The following TNFRSF1B variants were observed in gnomAD, a reference collection of about 807,000 sequenced individuals.
TNFRSF1B encodes TNF receptor superfamily member 1B.
A neutral mutation model predicts 44.6 loss-of-function variants in TNFRSF1B; 19 were observed. The observed-to-expected ratio is 0.43, with a 90% CI of 0.30 to 0.62. The LOEUF (loss-of-function observed/expected upper bound fraction) is 0.62, where lower values mean the gene tolerates loss of function less well. Ranked by LOEUF, TNFRSF1B falls within the 20% of genes least tolerant of loss-of-function variation. The pLI is 0.16. For missense variants in TNFRSF1B, 541 were observed against 619.9 expected, an observed-to-expected ratio of 0.87 and a Z score of 1.35; for synonymous variants, 252 against 261.1, an observed-to-expected ratio of 0.97 and a Z score of 0.34.
In TNFRSF1B at chr1:12,186,244, C is replaced by T. The variant is rs1318503078; in HGVS notation, c.79-2552C>T. Among the ~76,000 whole-genome samples, 1 of 152,178 alleles carries T rather than the reference C, an allele frequency of 6.6e-6. No homozygotes were observed. Among genetic ancestry groups the T allele is most frequent in the Non-Finnish European group, 1.5e-5 (1 of 68,034 alleles). Reference sequence around the variant, plus strand: ...GTGGGAGACAGCTGGGTTTCTAGCCCTGCTTGTCACTCGCTATAGGTGCAG... The same window carrying T: ...GTGGGAGACAGCTGGGTTTCTAGCCTTGCTTGTCACTCGCTATAGGTGCAG... On this transcript the variant is annotated intron_variant, in intron 1 of 9. Coordinates refer to ENST00000376259, the MANE Select transcript of TNFRSF1B (RefSeq NM_001066.3). This position sits in a 1 kb window ranked among gnomAD's most constrained non-coding sequence, Gnocchi z 4.8.
At position 12,206,706 on chromosome 1, in the gene TNFRSF1B, C is replaced by T. The variant is rs148178396; in HGVS notation, c.1106-34C>T. ...TCCCTGGGCCCCACTCCTGGACCCCCGGACTGACCCCCACCCCATCTTGTG... is the reference window on the plus strand; with the variant it reads ...TCCCTGGGCCCCACTCCTGGACCCCTGGACTGACCCCCACCCCATCTTGTG... On this transcript the variant is annotated intron_variant, in intron 9 of 9. Transcript: ENST00000376259. 232 of 1,535,554 alleles carry T rather than the reference C, an allele frequency of 1.5e-4. 2 individuals carry two copies. The highest frequency in any genetic ancestry group is 2.1e-4 in the South Asian group (17 of 79,494).
At position 12,188,780 on chromosome 1, in the gene TNFRSF1B, C is replaced by G. The variant is rs1639042882; in HGVS notation, c.79-16C>G. The G allele has an allele frequency of 6.2e-7, 1 of 1,611,974 alleles. No individual in the cohort carries two copies. The highest frequency in any genetic ancestry group is 1.3e-5 in the African/African-American group (1 of 74,870). On this transcript the variant is annotated splice_polypyrimidine_tract_variant and intron_variant, in intron 1 of 9. Transcript: ENST00000376259. ...GGGCGGCCCTGTTGATGGCAGTCTT[C>G]CCTTCTTCCTTCCAGGTGGCATTTA...
At chr1:12,183,728 TCTATCTATCTATCTATCTATCTAG>T (rs1638892146) in intron 1 of TNFRSF1B, among the ~76,000 whole-genome samples, 1 of 124,124 alleles carries the variant, frequency 8.1e-6, no homozygotes, top group African/African-American at 2.9e-5. Context: ...TACCTATCTA[TCTATCTATCTATCTATCTATCTAG>T]CTAGCTAGCT....
intron 1 of TNFRSF1B, among the ~76,000 whole-genome samples, chr1:12,170,922 C>T (rs948523751): frequency 6.6e-6 from 1 of 151,908 alleles, no homozygotes; most frequent in Admixed American, 6.6e-5. Flanking sequence ...GTGATCCTCC[C>T]GCCTCAGCCT....
intron 7 of TNFRSF1B, 147 bp from the exon 8 acceptor site, chr1:12,194,437 G>A: frequency 1.3e-6 from 1 of 767,756 alleles, no homozygotes; most frequent in East Asian, 2.6e-5. Context: ...TTGGGTGGGG[G>A]CTTCTGTGGA....
At chr1:12,206,695 TC>T (rs1229617551) in intron 9 of TNFRSF1B, 44 bp from the exon 10 acceptor site, 8 of 1,517,988 alleles carry the variant, frequency 5.3e-6, no homozygotes, top group Non-Finnish European at 6.2e-6. Flanking sequence ...TGGGCCCCAC[TC>T]CTGGACCCCC....
At chr1:12,188,676 A>T (rs1254287043) in intron 1 of TNFRSF1B, 120 bp from the exon 2 acceptor site, 1 of 894,092 alleles carries the variant, frequency 1.1e-6, no homozygotes, top group African/African-American at 1.7e-5. Context: ...CTCCCCAGCC[A>T]TCATCAGTGC....
intron 1 of TNFRSF1B, among the ~76,000 whole-genome samples, chr1:12,179,374 G>C (rs1317560626): frequency 6.6e-6 from 1 of 152,180 alleles, no homozygotes; most frequent in Non-Finnish European, 1.5e-5. Flanking sequence ...CAGTCCATGG[G>C]GCTCCTGTGA....
chr1:12,172,370 G>A (rs1227914812), intron 1 of TNFRSF1B, among the ~76,000 whole-genome samples: 1 of 152,234 alleles, frequency 6.6e-6, no homozygotes, highest in Admixed American at 6.5e-5. Context: ...GAGCCTCTGT[G>A]TTCTTATCTG....
Position 12,191,023 on chromosome 1 carries a change from C to T in TNFRSF1B, c.245C>T (p.Thr82Ile), listed in dbSNP as rs1225076278. The T allele has an allele frequency of 6.2e-7, 1 of 1,614,100 alleles. No individual in the cohort carries two copies. The highest frequency in any genetic ancestry group is 1.7e-5 in the Admixed American group (1 of 60,006). ...GTGTGTGACTCCTGTGAGGACAGCA[C>T]ATACACCCAGCTCTGGAACTGGGTT... is the stretch of plus-strand genomic sequence containing the variant. The part of the protein sequence containing the change: ...DTVCDSCEDS[T>I]YTQLWNWVPE... The change falls in exon 3 of 10, where the codon ACA becomes ATA. Residue 82 changes from threonine to isoleucine, a missense_variant. By Grantham distance (89) the Thr-to-Ile change is moderately conservative. Transcript: ENST00000376259.
At chr1:12,202,332 C>T (rs1639412649) in intron 9 of TNFRSF1B, among the ~76,000 whole-genome samples, 161 bp downstream of exon 9, 1 of 152,272 alleles carries the variant, frequency 6.6e-6, no homozygotes, top group African/African-American at 2.4e-5. Context: ...TCCCTCCCGC[C>T]TTTGCCCATG....
At chr1:12,181,718 G>T (rs1638812591) in intron 1 of TNFRSF1B, among the ~76,000 whole-genome samples, 1 of 152,152 alleles carries the variant, frequency 6.6e-6, no homozygotes. Flanking sequence ...TGGGGGGAAG[G>T]GGATGGGGGC....
chr1:12,177,789 G>C lies in TNFRSF1B; in HGVS notation c.78+10620G>C, dbSNP rs968095722. Reference sequence around the variant, plus strand: ...AGCCTGGGTGACAGGGTGAGATTCTGTCTCCAAAAAAAAAAAAAAAAGAAG... The same window carrying C: ...AGCCTGGGTGACAGGGTGAGATTCTCTCTCCAAAAAAAAAAAAAAAAGAAG... On this transcript the variant is annotated intron_variant, in intron 1 of 9. Transcript: ENST00000376259. This position sits in a 1 kb window ranked among gnomAD's most constrained non-coding sequence, Gnocchi z 4.3. 2.7e-4 allele frequency among the ~76,000 whole-genome samples: 39 copies of C among 142,398 alleles called. No individual in the cohort carries two copies. Among genetic ancestry groups the C allele is most frequent in the African/African-American group, 1.0e-3 (39 of 37,906 alleles). 93.4% of individuals were successfully genotyped at this position (142,398 alleles called of 152,430 possible). A position where few individuals can be genotyped will look rare whatever the true frequency, so the allele number is the denominator to read the frequency against.
intron 8 of TNFRSF1B, among the ~76,000 whole-genome samples, chr1:12,195,067 C>A (rs923154356): frequency 6.6e-6 from 1 of 152,344 alleles, no homozygotes; most frequent in Middle Eastern, 3.4e-3. Flanking sequence ...TCTGGGATAG[C>A]CCAGTGTCCC....
At chr1:12,173,499 G>A (rs895840015) in intron 1 of TNFRSF1B, among the ~76,000 whole-genome samples, 1 of 152,208 alleles carries the variant, frequency 6.6e-6, no homozygotes, top group African/African-American at 2.4e-5. Context: ...ACTGGGGTTT[G>A]TGGATGTCCT....
rs1009096739 is a variant in TNFRSF1B at position 12,168,213 on chromosome 1, CT to C, written c.78+1045del. 3.9e-5 allele frequency among the ~76,000 whole-genome samples: 6 copies of C among 152,226 alleles called. No individual in the cohort carries two copies. The highest frequency in any genetic ancestry group is 1.2e-4 in the African/African-American group (5 of 41,456). On this transcript the variant is annotated intron_variant, in intron 1 of 9. Transcript: ENST00000376259. This position sits in a 1 kb window ranked among gnomAD's most constrained non-coding sequence, Gnocchi z 4.7. ...CGTTCATCCTTCCTCAGAGCCGCCC[CT>C]GATGGACACATGGCCCATCTGCCCC... is the stretch of plus-strand genomic sequence containing the variant.
rs1216143873 is a variant in TNFRSF1B, at chr1:12,178,581, C to T, written c.79-10215C>T. 2.0e-5 allele frequency among the ~76,000 whole-genome samples: 3 copies of T among 152,070 alleles called. No homozygotes were observed. The highest frequency in any genetic ancestry group is 4.4e-5 in the Non-Finnish European group (3 of 68,000). On this transcript the variant is annotated intron_variant, in intron 1 of 9. Coordinates refer to ENST00000376259, the MANE Select transcript of TNFRSF1B (RefSeq NM_001066.3). The surrounding 1 kb of genome is among the most constrained non-coding windows in gnomAD (Gnocchi z 4.3). ...GGTGTGGGCAGTATAGAGATGCACCCGGGTTGTCACAGGAGCCCCTAGGAG... is the reference window on the plus strand; with the variant it reads ...GGTGTGGGCAGTATAGAGATGCACCTGGGTTGTCACAGGAGCCCCTAGGAG...
rs1638607546 is a variant in TNFRSF1B, at chr1:12,174,441, T to G, written c.78+7272T>G. Among the ~76,000 whole-genome samples the G allele has an allele frequency of 2.6e-5, 4 of 152,078 alleles. No homozygotes were observed. The South Asian group carries it at 8.3e-4, about 31-fold the overall frequency. On this transcript the variant is annotated intron_variant, in intron 1 of 9. Transcript: ENST00000376259. ...TTTTGTATTTTTAGTAGAGATGGGG[T>G]TTCACCATGTTGGCCAGGCTGGTCT... is the stretch of plus-strand genomic sequence containing the variant.
intron 9 of TNFRSF1B, 72 bp downstream of exon 9, chr1:12,202,243 C>T: frequency 6.6e-7 from 1 of 1,516,096 alleles, no homozygotes; most frequent in South Asian, 1.2e-5. Context: ...CTGTCTTAGC[C>T]ATCTCCTCCT....
Sources: gnomAD v4.1 joint callset for allele counts (sites outside exome capture counted in the v4.1 genomes callset) on GRCh38, gnomAD v4.1.1 for gene constraint, Gnocchi (gnomAD v3.1) non-coding constraint, MANE v1.5 for transcripts, NCBI Gene and HGNC (gene_info 2026-07-23, HGNC 2026-07-21) for gene names.